Variants in PHF21A observed in about 807,000 individuals in gnomAD.
PHF21A encodes the protein PHD finger protein 21A.
Under a neutral mutation model 82.5 loss-of-function variants are expected in PHF21A, and 11 were observed. The ratio of observed to expected loss-of-function variants is 0.13; its 90% CI spans 0.08 to 0.22. The LOEUF (loss-of-function observed/expected upper bound fraction) is 0.22, where lower values mean the gene tolerates loss of function less well. Among genes scored for constraint, PHF21A ranks in the 10% least tolerant of loss-of-function variants. The pLI, the probability that PHF21A is intolerant of heterozygous loss-of-function variation, is 1.00. For missense variants in PHF21A, 579 were observed against 837.8 expected, an observed-to-expected ratio of 0.69 and a Z score of 3.81; for synonymous variants, 297 against 302.8, an observed-to-expected ratio of 0.98 and a Z score of 0.20.
intron 6 of PHF21A, among the ~76,000 whole-genome samples, chr11:46,076,532 T>C (rs2096728095): frequency 6.6e-6 from 1 of 152,192 alleles, no homozygotes; most frequent in Admixed American, 6.6e-5. Context: ...CACATTGCTT[T>C]TAGGTATTTG....
At chr11:46,003,250 T>TCC (rs1351685395) in intron 6 of PHF21A, among the ~76,000 whole-genome samples, 1 of 150,338 alleles carries the variant, frequency 6.7e-6, no homozygotes, top group Non-Finnish European at 1.5e-5. Context: ...ATATAGTGTA[T>TCC]GGAGGAAAGA....
At chr11:45,987,714 C>CAATAAG (rs990112597) in intron 6 of PHF21A, among the ~76,000 whole-genome samples, 3 of 131,916 alleles carry the variant, frequency 2.3e-5, no homozygotes, top group African/African-American at 8.4e-5. Context: ...GTTTGTACCA[C>CAATAAG]AATAAGATAT....
chr11:46,036,347 A>G (rs1270052708), intron 6 of PHF21A, among the ~76,000 whole-genome samples: 1 of 152,226 alleles, frequency 6.6e-6, no homozygotes, highest in African/African-American at 2.4e-5. Context: ...GAAGTTGTTC[A>G]GTGGGCAGCT....
At chr11:45,996,734 A>G (rs1266108553) in intron 6 of PHF21A, among the ~76,000 whole-genome samples, 2 of 152,244 alleles carry the variant, frequency 1.3e-5, no homozygotes, top group African/African-American at 4.8e-5. Context: ...TTTGGGAAAC[A>G]AAAGGTAGCT....
At chr11:45,976,011 G>A (rs1385636518) in intron 7 of PHF21A, among the ~76,000 whole-genome samples, 2 of 151,788 alleles carry the variant, frequency 1.3e-5, no homozygotes, top group African/African-American at 2.4e-5. Context: ...CCTCCCATTT[G>A]TCCTTGCCTT....
At chr11:46,032,166 T>C (rs1218408190) in intron 6 of PHF21A, among the ~76,000 whole-genome samples, 1 of 152,228 alleles carries the variant, frequency 6.6e-6, no homozygotes, top group Non-Finnish European at 1.5e-5. Flanking sequence ...ATCACCCTGC[T>C]ACACAAAATG....
chr11:45,936,249 G>T (rs1395408318), intron 17 of PHF21A, among the ~76,000 whole-genome samples: 1 of 152,140 alleles, frequency 6.6e-6, no homozygotes, highest in Non-Finnish European at 1.5e-5. Flanking sequence ...CAACACCCGA[G>T]CCTGGGTTGA....
chr11:45,970,249 T>C (rs1305110849), intron 8 of PHF21A: 2 of 255,840 alleles, frequency 7.8e-6, no homozygotes, highest in Non-Finnish European at 1.5e-5. Context: ...AACTTGCTGC[T>C]TAGCCAAATA....
intron 6 of PHF21A, among the ~76,000 whole-genome samples, chr11:46,073,688 T>C (rs2096684312): frequency 6.6e-6 from 1 of 152,188 alleles, no homozygotes; most frequent in Admixed American, 6.5e-5. Flanking sequence ...AAGTTGTGTA[T>C]ACTCTCACTT....
chr11:46,069,055 G>A (rs1461814053), intron 6 of PHF21A, among the ~76,000 whole-genome samples: 1 of 152,150 alleles, frequency 6.6e-6, no homozygotes. Context: ...CAGGTAAAAA[G>A]GAGAGCAGAT....
At chr11:45,964,351 A>C (rs1320213347) in intron 10 of PHF21A, among the ~76,000 whole-genome samples, 1 of 152,072 alleles carries the variant, frequency 6.6e-6, no homozygotes, top group Non-Finnish European at 1.5e-5. Context: ...TCTTGAATGC[A>C]AGGTCTGCCG....
chr11:45,935,004 G>C, intron 18 of PHF21A: 1 of 738,192 alleles, frequency 1.4e-6, no homozygotes, highest in South Asian at 1.4e-5. Context: ...ACTCCAACAA[G>C]GGTGACCTAC....
chr11:45,972,235 C>G (rs2093803719), intron 7 of PHF21A, among the ~76,000 whole-genome samples: 2 of 152,064 alleles, frequency 1.3e-5, no homozygotes, highest in South Asian at 4.1e-4. Flanking sequence ...AGTGCTATTG[C>G]AGCTTTGAAG....
Position 45,945,957 on chromosome 11 carries a change from G to A in PHF21A, c.1335C>T (p.Thr445=). The A allele has an allele frequency of 6.2e-7, 1 of 1,613,694 alleles. No individual in the cohort carries two copies. Among genetic ancestry groups the A allele is most frequent in the Non-Finnish European group, 8.5e-7 (1 of 1,179,798 alleles). Residue 445 remains threonine (T), a synonymous_variant, in exon 15 of 19, where the codon ACC becomes ACT. Transcript: ENST00000676320. ...GATGACTGGATTGGGGGGATGTTGG[G>A]GTAAGGGCTCCAAACCCCAGCACTG... is the stretch of plus-strand genomic sequence containing the variant. ...YNAVLGFGAL[T]PTSPQSSHPD...
chr11:46,004,333 C>G (rs1233461755), intron 6 of PHF21A, among the ~76,000 whole-genome samples: 1 of 152,046 alleles, frequency 6.6e-6, no homozygotes, highest in African/African-American at 2.4e-5. Flanking sequence ...TTCTATATAA[C>G]AAAGTGAATC....
At chr11:46,106,562 A>T (rs993401941) in intron 1 of PHF21A, among the ~76,000 whole-genome samples, 1 of 152,250 alleles carries the variant, frequency 6.6e-6, no homozygotes, top group African/African-American at 2.4e-5. Context: ...TCGAGATATG[A>T]TGATTTCAAT....
chr11:46,015,371 T>C (rs574420615), intron 6 of PHF21A, among the ~76,000 whole-genome samples: 4 of 152,308 alleles, frequency 2.6e-5, no homozygotes, highest in African/African-American at 9.6e-5. Context: ...CAATTTTTGT[T>C]TTTGTTACAA....
At chr11:46,104,308 T>A (rs1221115485) in intron 1 of PHF21A, among the ~76,000 whole-genome samples, 1 of 152,194 alleles carries the variant, frequency 6.6e-6, no homozygotes, top group African/African-American at 2.4e-5. Context: ...TATTTAAGAC[T>A]TGAGAGTTAC....
intron 6 of PHF21A, among the ~76,000 whole-genome samples, chr11:45,983,200 T>C (rs756076448): frequency 4.0e-5 from 6 of 151,228 alleles, no homozygotes; most frequent in Non-Finnish European, 8.8e-5. Context: ...TCACAACTGC[T>C]CCTCCCCCAG....
Sources: gnomAD v4.1 joint callset for allele counts (sites outside exome capture counted in the v4.1 genomes callset) on GRCh38, gnomAD v4.1.1 for gene constraint, MANE v1.5 for transcripts, NCBI Gene and HGNC (gene_info 2026-07-23, HGNC 2026-07-21) for gene names.